Variants in PLEKHA7 observed in about 807,000 individuals in gnomAD.
The protein encoded by PLEKHA7 is pleckstrin homology domain-containing family A member 7.
PLEKHA7 carries 104 observed loss-of-function variants against 170.0 expected under a neutral mutation model. The observed-to-expected ratio is 0.61, with a 90% CI of 0.52 to 0.72. The LOEUF (loss-of-function observed/expected upper bound fraction) is 0.72. Among genes scored for constraint, PLEKHA7 ranks in the 30% least tolerant of loss-of-function variants. The pLI is 0.00. For missense variants in PLEKHA7, 1,615 were observed against 1,671.7 expected (o/e 0.97, Z 0.59); for synonymous variants, 648 against 660.8 (o/e 0.98, Z 0.30).
At chr11:16,831,068 G>A (rs1024929267) in intron 9 of PLEKHA7, among the ~76,000 whole-genome samples, 2 of 152,196 alleles carry the variant, frequency 1.3e-5, no homozygotes, top group African/African-American at 4.8e-5. Context: ...GCGAATGGCA[G>A]TCAGCTTGCC....
At chr11:16,799,798 G>A (rs975146643) in intron 17 of PLEKHA7, among the ~76,000 whole-genome samples, 7 of 152,220 alleles carry the variant, frequency 4.6e-5, no homozygotes, top group African/African-American at 1.7e-4. Flanking sequence ...CCCAACAGCA[G>A]CAGGAGATAG....
chr11:16,977,495 G>A (rs111824098), intron 3 of PLEKHA7, among the ~76,000 whole-genome samples: 109 of 152,280 alleles, frequency 7.2e-4, no homozygotes, highest in African/African-American at 2.6e-3. Flanking sequence ...ATCCCCTGGT[G>A]TATTTCTTTA....
At chr11:16,952,046 G>A (rs753374747) in intron 3 of PLEKHA7, among the ~76,000 whole-genome samples, 18 of 152,356 alleles carry the variant, frequency 1.2e-4, no homozygotes, top group Non-Finnish European at 2.2e-4. Flanking sequence ...CACTATATCT[G>A]TGGGGCCCAG....
At chr11:16,909,181 A>G (rs1858074453) in intron 3 of PLEKHA7, among the ~76,000 whole-genome samples, 1 of 152,196 alleles carries the variant, frequency 6.6e-6, no homozygotes, top group Non-Finnish European at 1.5e-5. Flanking sequence ...TATTAATAAC[A>G]CTAATAATTA....
At chr11:16,842,046 AGGCAGACTCTT>A (rs1189777912) in intron 8 of PLEKHA7, among the ~76,000 whole-genome samples, 27 of 152,186 alleles carry the variant, frequency 1.8e-4, no homozygotes, top group African/African-American at 6.5e-4. Flanking sequence ...CATTTCATAG[AGGCAGACTCTT>A]GGGAATCCCT....
chr11:16,792,418 G>C lies in PLEKHA7; in HGVS notation c.2746-1219C>G, dbSNP rs554471435. The stretch of plus-strand genomic sequence containing the variant: ...AAGAACTATAGCCACATGCAACAAT[G>C]TATATAAATCTCACAAACATAATGT... On this transcript the variant is annotated intron_variant, in intron 19 of 26. Transcript: ENST00000531066. Among the ~76,000 whole-genome samples the C allele has an allele frequency of 8.0e-4, 121 of 151,710 alleles. 1 individual carries two copies. The highest frequency in any genetic ancestry group is 2.2e-3 in the Admixed American group (33 of 15,214).
At chr11:16,818,949 G>T (rs183929733) in intron 10 of PLEKHA7, among the ~76,000 whole-genome samples, 351 of 151,136 alleles carry the variant, frequency 2.3e-3, no homozygotes, top group African/African-American at 8.1e-3. Context: ...GACTACAGGC[G>T]TGTGCCACCA....
At chr11:16,862,198 C>T (rs1308740150) in intron 4 of PLEKHA7, among the ~76,000 whole-genome samples, 1 of 152,152 alleles carries the variant, frequency 6.6e-6, no homozygotes, top group Non-Finnish European at 1.5e-5. Flanking sequence ...TTCCTCACCC[C>T]ACTCTACCCC....
In PLEKHA7 at chr11:16,794,604, G is replaced by A. The variant is rs1218469774; in HGVS notation, c.2629C>T (p.Leu877=). The A allele has an allele frequency of 6.2e-7, 1 of 1,613,704 alleles. No individual in the cohort carries two copies. The highest frequency in any genetic ancestry group is 1.7e-5 in the Admixed American group (1 of 60,014). ...AGCTGGGGGAAGAGTCGAACCTCCA[G>A]AGGGGTCCGCACAGGGCTGGTGGGA... ...SPPTSPVRTP[L]EVRLFPQLQT... is the part of the protein sequence containing the mutation. The change falls in exon 19 of 27, where the codon CTG becomes TTG. Residue 877 remains leucine (L), a synonymous_variant. Transcript: ENST00000531066.
At chr11:16,913,760 C>T (rs1858431249) in intron 3 of PLEKHA7, among the ~76,000 whole-genome samples, 1 of 152,204 alleles carries the variant, frequency 6.6e-6, no homozygotes, top group African/African-American at 2.4e-5. Flanking sequence ...AGCAAGGAGG[C>T]AGCCTTCTGT....
At chr11:17,007,613 G>A (rs1345010340) in intron 3 of PLEKHA7, among the ~76,000 whole-genome samples, 8 of 139,502 alleles carry the variant, frequency 5.7e-5, no homozygotes, top group Admixed American at 2.3e-4. Context: ...TCATTCTGTC[G>A]CCCAGGCTGG....
intron 9 of PLEKHA7, among the ~76,000 whole-genome samples, chr11:16,830,865 A>G (rs1851048507): frequency 2.0e-5 from 3 of 152,196 alleles, no homozygotes; most frequent in Non-Finnish European, 4.4e-5. Context: ...CAAATCATGG[A>G]GTCTGTTAGT....
At chr11:16,829,185 A>G (rs75875334) in intron 9 of PLEKHA7, among the ~76,000 whole-genome samples, 3,410 of 151,802 alleles carry the variant, frequency 0.022, 136 homozygotes, top group African/African-American at 0.078. Flanking sequence ...AATTAAAAAA[A>G]AAAAAAATCT....
intron 6 of PLEKHA7, among the ~76,000 whole-genome samples, chr11:16,854,669 T>C (rs2135454622): frequency 6.6e-6 from 1 of 152,214 alleles, no homozygotes; most frequent in South Asian, 2.1e-4. Flanking sequence ...GCCAAAGTGG[T>C]CAAGTGGGTT....
chr11:16,806,206 T>C (rs1366173415), intron 13 of PLEKHA7, among the ~76,000 whole-genome samples: 4 of 152,206 alleles, frequency 2.6e-5, no homozygotes, highest in Non-Finnish European at 5.9e-5. Flanking sequence ...GTCACAGGCT[T>C]TAGAGCATGG....
intron 3 of PLEKHA7, among the ~76,000 whole-genome samples, chr11:16,895,120 T>C (rs1459542144): frequency 1.3e-5 from 2 of 152,088 alleles, no homozygotes; most frequent in Non-Finnish European, 1.5e-5. Context: ...GCCAAACCGA[T>C]TCCTTACATT....
rs757106193 is a variant in PLEKHA7, at chr11:16,841,518, T to G, written c.872+29A>C. ...GTCCCAATCCTAGTGTAGGAGGTGCTGTGGCAGGGACCCTCCATCAGAACT... is the reference window on the plus strand; with the variant it reads ...GTCCCAATCCTAGTGTAGGAGGTGCGGTGGCAGGGACCCTCCATCAGAACT... On this transcript the variant is annotated intron_variant, in intron 9 of 26. Coordinates refer to ENST00000531066, the MANE Select transcript of PLEKHA7 (RefSeq NM_001329630.2). 5 of 1,601,496 alleles carry G rather than the reference T, an allele frequency of 3.1e-6. No homozygotes were observed. The Admixed American group carries it at 8.4e-5, about 27-fold the overall frequency.
intron 12 of PLEKHA7, among the ~76,000 whole-genome samples, chr11:16,814,266 A>G (rs555542997): frequency 7.9e-5 from 12 of 152,368 alleles, no homozygotes; most frequent in African/African-American, 2.4e-4. Context: ...GTTATTCAAG[A>G]TCACTTAGAT....
chr11:16,948,679 C>A (rs1861213771), intron 3 of PLEKHA7, among the ~76,000 whole-genome samples: 1 of 151,790 alleles, frequency 6.6e-6, no homozygotes, highest in South Asian at 2.1e-4. Context: ...CACACAGACA[C>A]CCCTCAGCTT....
Sources: gnomAD v4.1 joint callset for allele counts (sites outside exome capture counted in the v4.1 genomes callset) on GRCh38, gnomAD v4.1.1 for gene constraint, MANE v1.5 for transcripts, NCBI Gene and HGNC (gene_info 2026-07-23, HGNC 2026-07-21) for gene names.